ARHGAP33: variants seen among roughly 807,000 people sequenced by gnomAD.
The protein encoded by ARHGAP33 is rho GTPase-activating protein 33.
A neutral mutation model predicts 126.2 loss-of-function variants in ARHGAP33; 57 were observed. The ratio of observed to expected loss-of-function variants is 0.45; its 90% CI spans 0.36 to 0.56. The LOEUF (loss-of-function observed/expected upper bound fraction) is 0.56. Ranked by LOEUF, ARHGAP33 falls within the 20% of genes least tolerant of loss-of-function variation. The pLI is 0.00. For synonymous variants in ARHGAP33, 711 were observed against 755.0 expected (o/e 0.94, Z 0.95); for missense variants, 1,500 against 1,748.3 (o/e 0.86, Z 2.53).
chr19:35,776,816 C>T (rs2146675958), intron 1 of ARHGAP33, among the ~76,000 whole-genome samples: 1 of 152,286 alleles, frequency 6.6e-6, no homozygotes, highest in Admixed American at 6.5e-5. Context: ...CTGGTCAAGG[C>T]ATGGAACCTG....
chr19:35,785,245 C>T lies in ARHGAP33; in HGVS notation c.1778C>T (p.Thr593Met), dbSNP rs758099274. Residue 593 changes from threonine (T) to methionine (M), a missense_variant, in exon 18 of 21, where the codon ACG becomes ATG. Thr to Met is a moderately conservative substitution (Grantham distance 81, BLOSUM62 -1). Transcript: ENST00000007510. ...AAGCCAGGGGGCAGCAGCTGGAAGA[C>T]GTTCTTTGCACTGGGCCGGGGCCCC... ...QRKPGGSSWK[T>M]FFALGRGPSV... is the part of the protein sequence containing the mutation. The T allele has an allele frequency of 3.5e-5, 55 of 1,588,418 alleles. No individual in the cohort carries two copies. Among genetic ancestry groups the T allele is most frequent in the Middle Eastern group, 1.7e-4 (1 of 5,962 alleles).
Position 35,786,756 on chromosome 19 carries a change from A to T in ARHGAP33, c.2286A>T (p.Ala762=). Residue 762 remains alanine, a synonymous_variant, in exon 20 of 21, where the codon GCA becomes GCT. Transcript: ENST00000007510. This position sits in a 1 kb window ranked among gnomAD's most constrained non-coding sequence, Gnocchi z 7.0. ...PGDPAPPASP[A]PPAPASAFPP... is the part of the protein sequence containing the mutation. ...ATCCCGCACCTCCCGCCAGCCCAGC[A>T]CCCCCCGCCCCTGCCTCTGCCTTCC... The T allele has an allele frequency of 6.7e-7, 1 of 1,497,156 alleles. No individual in the cohort carries two copies. Among genetic ancestry groups the T allele is most frequent in the Non-Finnish European group, 8.9e-7 (1 of 1,128,608 alleles). 92.7% of individuals were successfully genotyped at this position (1,497,156 alleles called of 1,614,324 possible).
rs966583560 is a variant in ARHGAP33, at chr19:35,778,204, C to T, written c.190-76C>T. On this transcript the variant is annotated intron_variant, in intron 3 of 20. Coordinates refer to ENST00000007510, the MANE Select transcript of ARHGAP33 (RefSeq NM_001366178.1). ...GAGGTCCAGAAGGGAGTCACAAACC[C>T]GTCCCTAGATAGTGCCATCCCCAGG... 7.3e-5 allele frequency: 110 copies of T among 1,497,654 alleles called. 1 individual carries two copies. Among genetic ancestry groups the T allele is most frequent in the African/African-American group, 2.2e-4 (16 of 72,592 alleles). 92.8% of individuals were successfully genotyped at this position (1,497,654 alleles called of 1,614,324 possible).
At chr19:35,784,496 T>A (rs1316458519) in intron 16 of ARHGAP33, 179 bp downstream of exon 16, 17 of 1,287,980 alleles carry the variant, frequency 1.3e-5, no homozygotes, top group Non-Finnish European at 1.7e-5. Flanking sequence ...TCATTTCAGC[T>A]CCTCCGCTCA....
At position 35,787,548 on chromosome 19, in the gene ARHGAP33, G is replaced by A; in HGVS notation, c.2983G>A (p.Gly995Ser). Residue 995 changes from glycine (G) to serine (S), a missense_variant, in exon 21 of 21, where the codon GGC becomes AGC. Physicochemically the swap from Gly to Ser is moderately conservative, Grantham distance 56. Coordinates refer to ENST00000007510, the MANE Select transcript of ARHGAP33 (RefSeq NM_001366178.1). ...PMGTSRRGLR[G>S]PAQVSAQLRA... ...GGGGACCTCAAGGAGGGGACTCCGA[G>A]GCCCTGCCCAGGTCAGTGCCCAGCT... 1 of 1,612,082 alleles carries A rather than the reference G, an allele frequency of 6.2e-7. No individual in the cohort carries two copies. Among genetic ancestry groups the A allele is most frequent in the Non-Finnish European group, 8.5e-7 (1 of 1,179,550 alleles).
In ARHGAP33 at chr19:35,785,352, G is replaced by A; in HGVS notation, c.1867+18G>A. ...GCCTTCAGGTGAGAGGCTGAGCCAT[G>A]GGCTGGTGGGCAGCGATGGTCGCTG... On this transcript the variant is annotated intron_variant, in intron 18 of 20. Transcript: ENST00000007510. 2 of 1,613,942 alleles carry A rather than the reference G, an allele frequency of 1.2e-6. No individual in the cohort carries two copies. The highest frequency in any genetic ancestry group is 1.7e-6 in the Non-Finnish European group (2 of 1,179,848).
chr19:35,784,918 A>T, intron 16 of ARHGAP33, 35 bp from the exon 17 acceptor site: 1 of 1,517,590 alleles, frequency 6.6e-7, no homozygotes, highest in Non-Finnish European at 8.8e-7. Context: ...GGGCGGCCCC[A>T]GAGCTGACAG....
Position 35,779,053 on chromosome 19 carries a change from C to T in ARHGAP33, c.430C>T (p.Gln144Ter). 1 of 1,550,814 alleles carries T rather than the reference C, an allele frequency of 6.4e-7. No individual in the cohort carries two copies. Among genetic ancestry groups the T allele is most frequent in the Non-Finnish European group, 8.7e-7 (1 of 1,147,058 alleles). ...CCAGATGCTGGTGCCACTGCTGCTG[C>T]AGTACCTGGAGACACTGTCAGGACT... ...AAQMLVPLLL[Q>*]YLETLSGLVD... The change falls in exon 6 of 21, where the codon CAG becomes TAG. Residue 144 changes from glutamine to a stop codon, truncating the protein, a stop_gained. Transcript: ENST00000007510. LOFTEE classifies it high-confidence loss of function.
In ARHGAP33 at chr19:35,777,919, T is replaced by C. The variant is rs1171759476; in HGVS notation, c.189+11T>C. The C allele has an allele frequency of 1.2e-6, 2 of 1,613,514 alleles. No homozygotes were observed. The highest frequency in any genetic ancestry group is 1.7e-6 in the Non-Finnish European group (2 of 1,179,462). On this transcript the variant is annotated intron_variant, in intron 3 of 20. Coordinates refer to ENST00000007510, the MANE Select transcript of ARHGAP33 (RefSeq NM_001366178.1). The stretch of plus-strand genomic sequence containing the variant: ...TTTGGCCACATTCAGGTATGGGGGC[T>C]TTGCATTTGCACCCAGGAGGGAAGA...
At position 35,784,584 on chromosome 19, in the gene ARHGAP33, C is replaced by A. The variant is rs575237407; in HGVS notation, c.1567+267C>A. 39 of 1,315,880 alleles carry A rather than the reference C, an allele frequency of 3.0e-5. No homozygotes were observed. The South Asian group carries it at 8.4e-4, about 28-fold the overall frequency. The allele number at this position is 1,315,880 out of a possible 1,614,324, so 81.5% of individuals were successfully genotyped here. On this transcript the variant is annotated intron_variant, in intron 16 of 20. Coordinates refer to ENST00000007510, the MANE Select transcript of ARHGAP33 (RefSeq NM_001366178.1). ...CTGGGGGCGCTTGGGGCCATGGGTC[C>A]ACCTGGGAGGAGGTGGGAGGTCCCC...
chr19:35,779,748 A>T (rs1386840779), intron 6 of ARHGAP33: 2 of 352,598 alleles, frequency 5.7e-6, no homozygotes, highest in East Asian at 1.5e-4. Context: ...TTAAAAAAAA[A>T]TGTTTTGTAG....
At chr19:35,785,592 GGGGC>G in intron 19 of ARHGAP33, 109 bp downstream of exon 19, 5 of 1,534,560 alleles carry the variant, frequency 3.3e-6, no homozygotes, top group Non-Finnish European at 4.4e-6. Context: ...TGGGGGCCCT[GGGGC>G]TTTTGAAAAA....
chr19:35,787,623 C>T lies in ARHGAP33; in HGVS notation c.3058C>T (p.Pro1020Ser). 6.2e-7 allele frequency: 1 copy of T among 1,601,076 alleles called. No individual in the cohort carries two copies. The highest frequency in any genetic ancestry group is 8.5e-7 in the Non-Finnish European group (1 of 1,176,314). The change falls in exon 21 of 21, where the codon CCA becomes TCA. Residue 1020 changes from proline (P) to serine (S), a missense_variant. Physicochemically the swap from Pro to Ser is moderately conservative, Grantham distance 74 (BLOSUM62 -1). This residue lies in a region of ARHGAP33 where 642 missense variants were observed against 634.0 expected (regional missense o/e 1.01). Coordinates refer to ENST00000007510, the MANE Select transcript of ARHGAP33 (RefSeq NM_001366178.1). The part of the protein sequence containing the change: ...RDAPEAAAQS[P>S]CSVPSQVPTP... ...TGCGCCAGAGGCAGCAGCCCAGTCC[C>T]CATGTTCTGTCCCCTCACAGGTTCC...
At position 35,782,435 on chromosome 19, in the gene ARHGAP33, A is replaced by G. The variant is rs1971845235; in HGVS notation, c.1148A>G (p.His383Arg). Residue 383 changes from histidine (H) to arginine (R), a missense_variant, in exon 13 of 21, where the codon CAC becomes CGC. This residue lies in a region of ARHGAP33 where 281 missense variants were observed against 413.7 expected (regional missense o/e 0.68). Coordinates refer to ENST00000007510, the MANE Select transcript of ARHGAP33 (RefSeq NM_001366178.1). This position sits in a 1 kb window ranked among gnomAD's most constrained non-coding sequence, Gnocchi z 4.1. ...LSGPAFLQDIHSVSSLCKLYF... is the reference protein window; with the variant it reads ...LSGPAFLQDIRSVSSLCKLYF... ...GGCCCTGCATTCCTGCAGGACATCC[A>G]CAGCGTGTCCTCCCTCTGCAAGCTC... 6.2e-7 allele frequency: 1 copy of G among 1,613,322 alleles called. No homozygotes were observed. The highest frequency in any genetic ancestry group is 1.3e-5 in the African/African-American group (1 of 74,904).
chr19:35,788,220 C>T lies in ARHGAP33; in HGVS notation c.3655C>T (p.Pro1219Ser), dbSNP rs775197937. The T allele has an allele frequency of 1.9e-6, 3 of 1,609,162 alleles. No homozygotes were observed. The South Asian group carries it at 3.3e-5, about 18-fold the overall frequency. The change falls in exon 21 of 21, where the codon CCT (proline) becomes TCT (serine). Residue 1219 changes from proline to serine, a missense_variant. Transcript: ENST00000007510. ...ACGGGCACCCTGGGGACCCCGTACCCCTCATAGGGTGCCGGGTCCCTGGGG... is the reference window on the plus strand; with the variant it reads ...ACGGGCACCCTGGGGACCCCGTACCTCTCATAGGGTGCCGGGTCCCTGGGG... ...KQRAPWGPRT[P>S]HRVPGPWGPP... is the part of the protein sequence containing the mutation.
Position 35,779,106 on chromosome 19 carries a change from T to C in ARHGAP33, c.483T>C (p.Pro161=). Residue 161 remains proline, a synonymous_variant, in exon 6 of 21, where the codon CCT becomes CCC. Coordinates refer to ENST00000007510, the MANE Select transcript of ARHGAP33 (RefSeq NM_001366178.1). ...GLVDSNLNCG[P]VLTWMELDNH... ...TGGACAGTAACCTCAACTGCGGGCC[T>C]GTGCTCACCTGGATGGAGGTGGGCC... 6.4e-7 allele frequency: 1 copy of C among 1,551,626 alleles called. No individual in the cohort carries two copies. The highest frequency in any genetic ancestry group is 8.7e-7 in the Non-Finnish European group (1 of 1,147,014).
In ARHGAP33 at chr19:35,786,006, A is replaced by C; in HGVS notation, c.1943-407A>C. 9.0e-7 allele frequency: 1 copy of C among 1,108,264 alleles called. No homozygotes were observed. Among genetic ancestry groups the C allele is most frequent in the Non-Finnish European group, 1.1e-6 (1 of 907,318 alleles). The allele number at this position is 1,108,264 out of a possible 1,614,324, so 68.7% of individuals were successfully genotyped here. Reference sequence around the variant, plus strand: ...GGCTTTTTCTCCATCGCTACCTCACAGCCCGCCGCGCTGCTGGGTGCTGCT... The same window carrying C: ...GGCTTTTTCTCCATCGCTACCTCACCGCCCGCCGCGCTGCTGGGTGCTGCT... On this transcript the variant is annotated intron_variant, in intron 19 of 20. Transcript: ENST00000007510. The surrounding 1 kb of genome is among the most constrained non-coding windows in gnomAD (Gnocchi z 7.0).
chr19:35,777,179 A>C (rs1971498687), intron 1 of ARHGAP33, among the ~76,000 whole-genome samples: 1 of 152,178 alleles, frequency 6.6e-6, no homozygotes, highest in Non-Finnish European at 1.5e-5. Flanking sequence ...TGAAGACAAC[A>C]GGGAGTCATT....
Position 35,780,747 on chromosome 19 carries a change from C to T in ARHGAP33, c.770-10C>T, listed in dbSNP as rs749046702. 205 of 1,613,628 alleles carry T rather than the reference C, an allele frequency of 1.3e-4. No individual in the cohort carries two copies. The highest frequency in any genetic ancestry group is 1.6e-4 in the Non-Finnish European group (187 of 1,179,986). Reference sequence around the variant, plus strand: ...CACTCATCCCTTCCACCCCATTTTTCGCCTAGCAGATGCCGATGGCCCCCC... The same window carrying T: ...CACTCATCCCTTCCACCCCATTTTTTGCCTAGCAGATGCCGATGGCCCCCC... On this transcript the variant is annotated splice_polypyrimidine_tract_variant and intron_variant, in intron 9 of 20. Transcript: ENST00000007510.
Sources: gnomAD v4.1 joint callset for allele counts (sites outside exome capture counted in the v4.1 genomes callset) on GRCh38, gnomAD v4.1.1 for gene constraint, gnomAD v4.1.1 regional missense constraint, Gnocchi (gnomAD v3.1) non-coding constraint, MANE v1.5 for transcripts, NCBI Gene and HGNC (gene_info 2026-07-23, HGNC 2026-07-21) for gene names.